Variants in ANO5 observed in about 807,000 individuals in gnomAD.
ANO5 encodes the protein anoctamin 5.
ANO5 carries 109 observed loss-of-function variants against 121.0 expected under a neutral mutation model. The observed-to-expected ratio is 0.90, with a 90% CI of 0.77 to 1.06. The LOEUF (loss-of-function observed/expected upper bound fraction) is 1.06, where lower values mean the gene tolerates loss of function less well. Among genes scored for constraint, ANO5 ranks in the 50% least tolerant of loss-of-function variants. The probability of loss-of-function intolerance (pLI) is 0.00; values close to 1 mark genes in which losing one functional copy is unlikely to be tolerated. For missense variants in ANO5, 1,064 were observed against 1,078.5 expected (o/e 0.99, Z 0.19); for synonymous variants, 406 against 359.9 (o/e 1.13, Z -1.45).
intron 17 of ANO5, among the ~76,000 whole-genome samples, chr11:22,264,144 C>A (rs1854285618): frequency 6.7e-6 from 1 of 150,314 alleles, no homozygotes; most frequent in East Asian, 2.0e-4. Context: ...CTGCTTCAGT[C>A]TCCTGAGCAG....
At chr11:22,195,242 A>G (rs956247724) in intron 1 of ANO5, among the ~76,000 whole-genome samples, 2 of 152,272 alleles carry the variant, frequency 1.3e-5, no homozygotes, top group South Asian at 4.1e-4. Context: ...AGAAGTGTCT[A>G]TTCAGATCAT....
intron 1 of ANO5, among the ~76,000 whole-genome samples, chr11:22,200,490 T>C (rs1336823044): frequency 6.6e-6 from 1 of 152,184 alleles, no homozygotes; most frequent in Non-Finnish European, 1.5e-5. Flanking sequence ...AATTTGTGTG[T>C]TCAGGGTCAA....
At chr11:22,198,655 T>C (rs1272515340) in intron 1 of ANO5, among the ~76,000 whole-genome samples, 1 of 152,232 alleles carries the variant, frequency 6.6e-6, no homozygotes, top group African/African-American at 2.4e-5. Context: ...GTAAAACTCT[T>C]TAAACCTAGC....
At chr11:22,271,876 T>C (rs1481041028) in intron 18 of ANO5, among the ~76,000 whole-genome samples, 1 of 152,122 alleles carries the variant, frequency 6.6e-6, no homozygotes, top group Non-Finnish European at 1.5e-5. Flanking sequence ...ATTTTCTACC[T>C]CGTAGGTTAG....
intron 3 of ANO5, among the ~76,000 whole-genome samples, chr11:22,211,653 A>G (rs1400315371): frequency 6.6e-6 from 1 of 151,940 alleles, no homozygotes; most frequent in Non-Finnish European, 1.5e-5. Context: ...TCTGAGGCTT[A>G]CTTAGTTCAG....
chr11:22,275,781 TAAGG>T (rs1322571637), intron 20 of ANO5, among the ~76,000 whole-genome samples: 1 of 151,760 alleles, frequency 6.6e-6, no homozygotes. Flanking sequence ...CTGGGAGTGT[TAAGG>T]AAGTGGGAAA....
chr11:22,215,148 C>A (rs893294541), intron 3 of ANO5, among the ~76,000 whole-genome samples: 1 of 151,914 alleles, frequency 6.6e-6, no homozygotes, highest in Non-Finnish European at 1.5e-5. Flanking sequence ...ATTGAAAAGA[C>A]ACACTAAAGG....
Position 22,272,978 on chromosome 11 carries a change from G to T in ANO5, c.2224G>T (p.Val742Phe). ...TCTTTATGGAATGGCTGTCCTTTCT[G>T]TTGCAACTAATGTAAGTGGACCTAT... ...DILYGMAVLS[V>F]ATNAFIVAFT... The change falls in exon 19 of 22, where the codon GTT becomes TTT. Residue 742 changes from valine to phenylalanine, a missense_variant. Val to Phe is a conservative substitution (Grantham distance 50). Transcript: ENST00000324559. The T allele has an allele frequency of 6.2e-7, 1 of 1,613,886 alleles. No homozygotes were observed. Among genetic ancestry groups the T allele is most frequent in the Non-Finnish European group, 8.5e-7 (1 of 1,179,934 alleles).
intron 7 of ANO5, among the ~76,000 whole-genome samples, chr11:22,235,957 A>G (rs1327443819): frequency 6.6e-6 from 1 of 152,136 alleles, no homozygotes; most frequent in Non-Finnish European, 1.5e-5. Flanking sequence ...CCATCAAATG[A>G]ATGCTCTCAG....
intron 13 of ANO5, among the ~76,000 whole-genome samples, chr11:22,256,378 T>G (rs187265018): frequency 6.0e-4 from 92 of 152,324 alleles, no homozygotes; most frequent in African/African-American, 2.1e-3. Context: ...TAAAATTATT[T>G]TCACCATTTA....
chr11:22,257,814 CA>C, intron 14 of ANO5, 60 bp downstream of exon 14: 1 of 1,393,610 alleles, frequency 7.2e-7, no homozygotes, highest in East Asian at 2.3e-5. Context: ...TGAGCTATCT[CA>C]ACAGTGTTAC....
chr11:22,229,729 A>T (rs1852976052), intron 7 of ANO5, among the ~76,000 whole-genome samples: 1 of 152,046 alleles, frequency 6.6e-6, no homozygotes, highest in Non-Finnish European at 1.5e-5. Flanking sequence ...GTCAGTATTC[A>T]TTTACCTCTA....
At chr11:22,274,901 A>G (rs1189733995) in intron 20 of ANO5, among the ~76,000 whole-genome samples, 154 bp downstream of exon 20, 27 of 152,120 alleles carry the variant, frequency 1.8e-4, no homozygotes, top group Admixed American at 1.6e-3. Context: ...GAATTCACAC[A>G]TTGCATGATT....
At chr11:22,268,921 G>A (rs560938600) in intron 17 of ANO5, among the ~76,000 whole-genome samples, 14 of 152,164 alleles carry the variant, frequency 9.2e-5, no homozygotes, top group Admixed American at 3.3e-4. Context: ...GAGAGGTGGA[G>A]GCAGGAGAAA....
At chr11:22,243,195 C>T (rs1328113912) in intron 9 of ANO5, among the ~76,000 whole-genome samples, 1 of 151,934 alleles carries the variant, frequency 6.6e-6, no homozygotes, top group Non-Finnish European at 1.5e-5. Flanking sequence ...CCTCTTAATC[C>T]TATTTATGTG....
At chr11:22,271,156 G>A (rs1055773468) in intron 18 of ANO5, among the ~76,000 whole-genome samples, 1 of 152,114 alleles carries the variant, frequency 6.6e-6, no homozygotes, top group African/African-American at 2.4e-5. Context: ...GGGTTCAAGC[G>A]ATTCTCCTGC....
At chr11:22,231,642 A>C (rs1157039140) in intron 7 of ANO5, among the ~76,000 whole-genome samples, 1 of 152,012 alleles carries the variant, frequency 6.6e-6, no homozygotes, top group Non-Finnish European at 1.5e-5. Flanking sequence ...CTGATATTAT[A>C]AACAACTCAG....
rs184710005 is a variant in ANO5, at chr11:22,250,980, A to T, written c.1149A>T (p.Thr383=). 30 of 1,612,454 alleles carry T rather than the reference A, an allele frequency of 1.9e-5. 1 individual carries two copies. The East Asian group carries it at 6.5e-4, about 35-fold the overall frequency. The change falls in exon 12 of 22, where the codon ACA becomes ACT. Residue 383 remains threonine (T), a synonymous_variant. Transcript: ENST00000324559. Reference sequence around the variant, plus strand: ...CCCATTTGTTTGATAATGAGTCAACAGTGTTCTTTGCAATATTCATGGGAA... The same window carrying T: ...CCCATTTGTTTGATAATGAGTCAACTGTGTTCTTTGCAATATTCATGGGAA... The part of the protein sequence containing the change: ...KFSHLFDNES[T]VFFAIFMGIW...
At chr11:22,229,766 C>T (rs1169729331) in intron 7 of ANO5, among the ~76,000 whole-genome samples, 1 of 151,894 alleles carries the variant, frequency 6.6e-6, no homozygotes, top group Non-Finnish European at 1.5e-5. Flanking sequence ...AGTGTCAATA[C>T]CTTAGTCGAA....
Sources: gnomAD v4.1 joint callset for allele counts (sites outside exome capture counted in the v4.1 genomes callset) on GRCh38, gnomAD v4.1.1 for gene constraint, MANE v1.5 for transcripts, NCBI Gene and HGNC (gene_info 2026-07-23, HGNC 2026-07-21) for gene names.